The following IL1RAPL1 variants were observed in gnomAD, a reference collection of about 807,000 sequenced individuals.
IL1RAPL1 encodes interleukin 1 receptor accessory protein like 1.
A neutral mutation model predicts 48.4 loss-of-function variants in IL1RAPL1; 3 were observed. The observed-to-expected ratio is 0.06, with a 90% confidence interval of 0.03 to 0.16. The LOEUF is 0.16. IL1RAPL1 is among the 10% of genes least tolerant of loss of function. IL1RAPL1 has a pLI of 1.00. For missense variants in IL1RAPL1, 349 were observed against 530.6 expected (o/e 0.66, Z 3.36); for synonymous variants, 185 against 187.7 (o/e 0.99, Z 0.12).
chrX:29,075,343 G>A (rs191966959), intron 2 of IL1RAPL1, among the ~76,000 whole-genome samples: 2 of 111,368 alleles, frequency 1.8e-5, no homozygotes, highest in African/African-American at 6.5e-5. Flanking sequence ...AAGTTTCTGT[G>A]GACTATAAAT....
In IL1RAPL1 at chrX:29,452,053, C is replaced by T. The variant is rs757250682; in HGVS notation, c.703+52745C>T. 8.7e-4 allele frequency among the ~76,000 whole-genome samples: 96 copies of T among 110,893 alleles called. 1 individual carries two copies. The highest frequency in any genetic ancestry group is 2.9e-3 in the African/African-American group (89 of 30,572). On this transcript the variant is annotated intron_variant, in intron 5 of 10. Transcript: ENST00000378993. The stretch of plus-strand genomic sequence containing the variant: ...AAAGTCAAAATAACAAAATAAGAAA[C>T]GTCAAGTAAGTAAATATAACCTGGG...
chrX:29,651,418 C>A (rs181666445), intron 5 of IL1RAPL1, among the ~76,000 whole-genome samples: 4 of 108,228 alleles, frequency 3.7e-5, no homozygotes, highest in Non-Finnish European at 5.8e-5. Context: ...TATAGATACA[C>A]AATGAAATAC....
At chrX:29,277,115 C>T (rs1336255937) in intron 2 of IL1RAPL1, among the ~76,000 whole-genome samples, 1 of 111,906 alleles carries the variant, frequency 8.9e-6, no homozygotes, top group African/African-American at 3.2e-5. Context: ...ACCATATGTA[C>T]CAAGATTTTA....
chrX:29,738,644 T>C (rs12014926), intron 6 of IL1RAPL1, among the ~76,000 whole-genome samples: 2,977 of 109,975 alleles, frequency 0.027, 126 homozygotes, highest in East Asian at 0.27. Context: ...TTCACTGTGT[T>C]GCCCAGGCTG....
intron 3 of IL1RAPL1, among the ~76,000 whole-genome samples, chrX:29,294,565 G>C (rs1932421734): frequency 9.3e-6 from 1 of 107,924 alleles, no homozygotes; most frequent in South Asian, 4.1e-4. Context: ...GATTTTTCAA[G>C]CCATATAGTC....
At chrX:29,937,677 G>A (rs935951790) in intron 8 of IL1RAPL1, among the ~76,000 whole-genome samples, 26 of 111,532 alleles carry the variant, frequency 2.3e-4, no homozygotes, top group African/African-American at 7.8e-4. Flanking sequence ...TAGAAATATT[G>A]TAATAACTGA....
chrX:29,846,004 C>A (rs1054964372), intron 6 of IL1RAPL1, among the ~76,000 whole-genome samples: 3 of 111,125 alleles, frequency 2.7e-5, no homozygotes, highest in Admixed American at 9.6e-5. Context: ...CCCCATGAAC[C>A]AATCACCTCC....
chrX:29,625,471 C>T (rs1261974807), intron 5 of IL1RAPL1, among the ~76,000 whole-genome samples: 2 of 111,647 alleles, frequency 1.8e-5, no homozygotes, highest in African/African-American at 6.5e-5. Context: ...GACTCTTGGA[C>T]AAATACCTCC....
intron 5 of IL1RAPL1, among the ~76,000 whole-genome samples, chrX:29,562,343 G>T (rs1922264725): frequency 9.1e-6 from 1 of 109,971 alleles, no homozygotes; most frequent in African/African-American, 3.3e-5. Flanking sequence ...GACCATCACT[G>T]GATTCTAGTT....
chrX:29,484,788 GA>G (rs901021130), intron 5 of IL1RAPL1, among the ~76,000 whole-genome samples: 1 of 111,902 alleles, frequency 8.9e-6, no homozygotes, highest in African/African-American at 3.3e-5. Context: ...GGGGAAGACA[GA>G]ACGCAAAGCA....
intron 2 of IL1RAPL1, among the ~76,000 whole-genome samples, chrX:28,970,620 A>G (rs1925046517): frequency 8.9e-6 from 1 of 111,747 alleles, no homozygotes; most frequent in African/African-American, 3.2e-5. Flanking sequence ...GAATAATACC[A>G]TTTTGCTTAT....
At chrX:29,917,153 G>A (rs758771505) in intron 6 of IL1RAPL1, among the ~76,000 whole-genome samples, 2 of 111,775 alleles carry the variant, frequency 1.8e-5, no homozygotes, top group Admixed American at 9.5e-5. Flanking sequence ...GGTATCCTTC[G>A]CAATCATTCA....
intron 1 of IL1RAPL1, among the ~76,000 whole-genome samples, chrX:28,767,420 G>C (rs1299190477): frequency 9.0e-6 from 1 of 110,574 alleles, no homozygotes; most frequent in Non-Finnish European, 1.9e-5. Context: ...CCCTGAGATA[G>C]TTGATATGGA....
intron 6 of IL1RAPL1, among the ~76,000 whole-genome samples, chrX:29,848,353 G>C (rs1324337704): frequency 9.1e-6 from 1 of 110,122 alleles, no homozygotes; most frequent in Admixed American, 9.7e-5. Flanking sequence ...AATCTTACGT[G>C]GCTAAAGCTA....
In IL1RAPL1 at chrX:28,789,384, C is replaced by T; in HGVS notation, c.41C>T (p.Thr14Ile). The change falls in exon 2 of 11, where the codon ACT (threonine) becomes ATT (isoleucine). Residue 14 changes from threonine (T) to isoleucine (I), a missense_variant. Coordinates refer to ENST00000378993, the MANE Select transcript of IL1RAPL1 (RefSeq NM_014271.4). ...PIPHLILLYA[T>I]FTQSLKVVTK... ...CCACACTTGATTCTCTTATACGCTA[C>T]TTTTACTCAGAGTTTGAAGGTTGTG... 8.3e-7 allele frequency: 1 copy of T among 1,210,262 alleles called. No individual in the cohort carries two copies. Among genetic ancestry groups the T allele is most frequent in the Non-Finnish European group, 1.1e-6 (1 of 894,088 alleles).
At chrX:28,760,593 T>C (rs1341216014) in intron 1 of IL1RAPL1, among the ~76,000 whole-genome samples, 1 of 111,773 alleles carries the variant, frequency 8.9e-6, no homozygotes, top group African/African-American at 3.3e-5. Flanking sequence ...ATAAGAATAA[T>C]GCTTATAAAT....
intron 2 of IL1RAPL1, among the ~76,000 whole-genome samples, chrX:29,099,521 T>A (rs5985952): frequency 0.23 from 25,630 of 111,357 alleles, 2,773 homozygotes; most frequent in African/African-American, 0.42. Flanking sequence ...AGAATAGGAA[T>A]CTGAAGGCAA....
chrX:28,992,271 C>G (rs1179104428), intron 2 of IL1RAPL1, among the ~76,000 whole-genome samples: 1 of 110,567 alleles, frequency 9.0e-6, no homozygotes, highest in African/African-American at 3.3e-5. Context: ...TGGTGGATTA[C>G]CTGAAGTCAG....
At chrX:29,215,637 T>C (rs1930852996) in intron 2 of IL1RAPL1, among the ~76,000 whole-genome samples, 2 of 111,396 alleles carry the variant, frequency 1.8e-5, no homozygotes, top group Admixed American at 1.9e-4. Context: ...AAAATATTCT[T>C]ATTAATTGTT....
Sources: gnomAD v4.1 joint callset for allele counts (sites outside exome capture counted in the v4.1 genomes callset) on GRCh38, gnomAD v4.1.1 for gene constraint, MANE v1.5 for transcripts, NCBI Gene and HGNC (gene_info 2026-07-23, HGNC 2026-07-21) for gene names.